DNAH11: variants seen among roughly 807,000 people sequenced by gnomAD.
DNAH11 encodes the protein dynein axonemal heavy chain 11, also known as axonemal beta dynein heavy chain 11.
In DNAH11, 442 loss-of-function variants were observed where a neutral mutation model predicts 526.0. The observed-to-expected ratio is 0.84, with a 90% CI of 0.78 to 0.91. The LOEUF (loss-of-function observed/expected upper bound fraction) is 0.91. DNAH11 is among the 40% of genes least tolerant of loss of function. The pLI, the probability that DNAH11 is intolerant of heterozygous loss-of-function variation, is 0.00. For missense variants in DNAH11, 6,989 were observed against 5,448.7 expected (o/e 1.28, Z -8.90); for synonymous variants, 2,461 against 1,935.9 (o/e 1.27, Z -7.12).
chr7:21,705,207 AAGTAACCC>A (rs1784217915), intron 38 of DNAH11, among the ~76,000 whole-genome samples: 1 of 152,192 alleles, frequency 6.6e-6, no homozygotes, highest in African/African-American at 2.4e-5. Flanking sequence ...TGATTTTTGT[AAGTAACCC>A]CTGCCATATA....
chr7:21,551,608 T>G (rs1242937211), intron 2 of DNAH11, among the ~76,000 whole-genome samples: 2 of 152,212 alleles, frequency 1.3e-5, no homozygotes, highest in Middle Eastern at 3.2e-3. Context: ...TTAGGTAATC[T>G]ACCTTTCTCA....
intron 8 of DNAH11, among the ~76,000 whole-genome samples, chr7:21,576,789 G>A (rs1272802845): frequency 6.6e-6 from 1 of 152,276 alleles, no homozygotes; most frequent in East Asian, 1.9e-4. Flanking sequence ...GCACACTTAT[G>A]TATATATATT....
intron 8 of DNAH11, among the ~76,000 whole-genome samples, chr7:21,574,432 G>C (rs1254812983): frequency 6.6e-6 from 1 of 152,086 alleles, no homozygotes; most frequent in Non-Finnish European, 1.5e-5. Context: ...TGGTCCCGCA[G>C]GCAAATGACA....
At chr7:21,641,312 C>G (rs1026384876) in intron 28 of DNAH11, among the ~76,000 whole-genome samples, 8 of 152,172 alleles carry the variant, frequency 5.3e-5, no homozygotes, top group Admixed American at 3.9e-4. Flanking sequence ...CATGGCCTCC[C>G]CGTCGTGGCT....
chr7:21,769,776 A>T lies in DNAH11; in HGVS notation c.9103-3990A>T, dbSNP rs958383362. ...CTGGATTACAGGCATGAGCCACTGCATCCGGCCTGGATTTCATTTTTCCTC... is the reference window on the plus strand; with the variant it reads ...CTGGATTACAGGCATGAGCCACTGCTTCCGGCCTGGATTTCATTTTTCCTC... On this transcript the variant is annotated intron_variant, in intron 55 of 81. Transcript: ENST00000409508. 3.9e-5 allele frequency among the ~76,000 whole-genome samples: 6 copies of T among 152,062 alleles called. No individual in the cohort carries two copies. In the South Asian group the frequency reaches 1.0e-3, roughly 26 times the overall value.
intron 76 of DNAH11, 39 bp from the exon 77 acceptor site, chr7:21,892,386 C>G (rs1784355261): frequency 1.3e-6 from 2 of 1,578,812 alleles, no homozygotes; most frequent in Non-Finnish European, 1.7e-6. Flanking sequence ...GGATGCCTAC[C>G]TACATTTGGA....
intron 79 of DNAH11, among the ~76,000 whole-genome samples, chr7:21,898,787 C>T (rs1050713697): frequency 6.6e-6 from 1 of 152,228 alleles, no homozygotes; most frequent in East Asian, 1.9e-4. Flanking sequence ...CCATTCCTGG[C>T]TGACTTGTTT....
intron 30 of DNAH11, among the ~76,000 whole-genome samples, chr7:21,668,137 A>G (rs1782492746): frequency 6.6e-6 from 1 of 152,156 alleles, no homozygotes; most frequent in African/African-American, 2.4e-5. Context: ...CTAAGTTAGC[A>G]TATCTTCTTT....
intron 65 of DNAH11, among the ~76,000 whole-genome samples, chr7:21,837,879 A>G (rs1254358817): frequency 6.6e-6 from 1 of 152,198 alleles, no homozygotes; most frequent in African/African-American, 2.4e-5. Context: ...GATGATGGAT[A>G]TGCTAAATAC....
chr7:21,600,579 C>T, intron 15 of DNAH11, 97 bp from the exon 16 acceptor site: 3 of 1,272,116 alleles, frequency 2.4e-6, no homozygotes, highest in Non-Finnish European at 3.1e-6. Context: ...TCTAACTACT[C>T]TCCCTTTGAA....
At chr7:21,890,044 C>T (rs751241545) in intron 76 of DNAH11, among the ~76,000 whole-genome samples, 5 of 152,094 alleles carry the variant, frequency 3.3e-5, no homozygotes, top group Non-Finnish European at 5.9e-5. Context: ...TGCTAGGGTA[C>T]GAGGAAGACC....
chr7:21,820,272 G>C (rs1247873782), intron 65 of DNAH11, among the ~76,000 whole-genome samples: 5 of 152,164 alleles, frequency 3.3e-5, no homozygotes, highest in Non-Finnish European at 5.9e-5. Context: ...ACTTGAGGAA[G>C]CTACACTTCC....
At chr7:21,649,896 C>A (rs1267881481) in intron 28 of DNAH11, among the ~76,000 whole-genome samples, 1 of 152,074 alleles carries the variant, frequency 6.6e-6, no homozygotes, top group African/African-American at 2.4e-5. Context: ...AAACTTCTGG[C>A]CTCAGGTGAT....
intron 20 of DNAH11, among the ~76,000 whole-genome samples, chr7:21,613,789 G>C (rs1347848554): frequency 6.6e-6 from 1 of 152,130 alleles, no homozygotes; most frequent in Non-Finnish European, 1.5e-5. Context: ...TGTTGAGACA[G>C]GGTCTCACTC....
chr7:21,674,028 T>TTGTGTG (rs59263134), intron 30 of DNAH11, among the ~76,000 whole-genome samples: 191 of 137,362 alleles, frequency 1.4e-3, no homozygotes, highest in African/African-American at 4.3e-3. Flanking sequence ...CTGTTTTGTT[T>TTGTGTG]TGTGTGTGTG....
chr7:21,858,877 C>T lies in DNAH11; in HGVS notation c.11203-2976C>T, dbSNP rs181966102. On this transcript the variant is annotated intron_variant, in intron 68 of 81. Transcript: ENST00000409508. Reference sequence around the variant, plus strand: ...ATAGGCACATTTTATAGTATGTAAACGAAAAACTGATTTTAAGAAAGTGTA... The same window carrying T: ...ATAGGCACATTTTATAGTATGTAAATGAAAAACTGATTTTAAGAAAGTGTA... Among the ~76,000 whole-genome samples the T allele has an allele frequency of 4.9e-3, 749 of 152,168 alleles. 2 individuals are homozygous for T. The highest frequency in any genetic ancestry group is 6.9e-3 in the Non-Finnish European group (469 of 68,002).
chr7:21,873,883 C>T lies in DNAH11; in HGVS notation c.12195+382C>T, dbSNP rs570155500. 3.4e-5 allele frequency among the ~76,000 whole-genome samples: 5 copies of T among 148,310 alleles called. No homozygotes were observed. The East Asian group carries it at 8.0e-4, about 24-fold the overall frequency. ...TTGCCTCACTGCAACTTCCACCTCC[C>T]GGGTTCAAGCAATTCTCCTGCCTCA... On this transcript the variant is annotated intron_variant, in intron 74 of 81. Coordinates refer to ENST00000409508, the MANE Select transcript of DNAH11 (RefSeq NM_001277115.2).
rs369202601 is a variant in DNAH11, at chr7:21,681,771, G to C, written c.5460+94G>C. On this transcript the variant is annotated intron_variant, in intron 31 of 81. Transcript: ENST00000409508. ...GTTCCAAGAAAGTCGTTGTTTTTTT[G>C]AAAGTTTGTATGTTTTAATTAGTCC... 35 of 1,499,328 alleles carry C rather than the reference G, an allele frequency of 2.3e-5. No individual in the cohort carries two copies. The African/African-American group carries it at 3.9e-4, about 17-fold the overall frequency. The allele number at this position is 1,499,328 out of a possible 1,614,324, so 92.9% of individuals were successfully genotyped here. A position where few individuals can be genotyped will look rare whatever the true frequency, so the allele number is the denominator to read the frequency against.
chr7:21,637,201 C>CCTTCCTCTCTTTCT (rs969553132), intron 26 of DNAH11, among the ~76,000 whole-genome samples: 1 of 151,592 alleles, frequency 6.6e-6, no homozygotes, highest in Non-Finnish European at 1.5e-5. Context: ...TCTCTCTCTC[C>CCTTCCTCTCTTTCT]CTTCCTCTCT....
Sources: allele counts gnomAD v4.1 joint callset (sites outside exome capture counted in the v4.1 genomes callset), GRCh38; gene constraint gnomAD v4.1.1; transcripts MANE v1.5; gene names NCBI Gene and HGNC (gene_info 2026-07-23, HGNC 2026-07-21).